The following TRIM66 variants were observed in gnomAD, a reference collection of about 807,000 sequenced individuals.
The protein encoded by TRIM66 is tripartite motif-containing protein 66.
In TRIM66, 99 loss-of-function variants were observed where a neutral mutation model predicts 148.2. The observed-to-expected ratio is 0.67, with a 90% CI of 0.57 to 0.79. The LOEUF (loss-of-function observed/expected upper bound fraction) is 0.79. Among genes scored for constraint, TRIM66 ranks in the 30% least tolerant of loss-of-function variants. The pLI, the probability that TRIM66 is intolerant of heterozygous loss-of-function variation, is 0.00. For synonymous variants in TRIM66, 616 were observed against 635.9 expected, an observed-to-expected ratio of 0.97 and a Z score of 0.47; for missense variants, 1,666 against 1,697.9, an observed-to-expected ratio of 0.98 and a Z score of 0.33.
intron 15 of TRIM66, among the ~76,000 whole-genome samples, chr11:8,635,850 A>G (rs1465271468): frequency 1.3e-5 from 2 of 152,182 alleles, no homozygotes; most frequent in African/African-American, 4.8e-5. Flanking sequence ...CCATGCATGT[A>G]TGTCGCTCAG....
rs779914082 is a variant in TRIM66 at position 8,643,108 on chromosome 11, G to A, written c.1123C>T (p.Arg375Ter). 7.7e-6 allele frequency: 12 copies of A among 1,550,406 alleles called. No individual in the cohort carries two copies. Among genetic ancestry groups the A allele is most frequent in the Middle Eastern group, 1.7e-4 (1 of 5,984 alleles). Reference sequence around the variant, plus strand: ...GTGTTACAACTTGTCTCCAGCAATCGCTGCATCTGAAACACAATCTGACAA... The same window carrying A: ...GTGTTACAACTTGTCTCCAGCAATCACTGCATCTGAAACACAATCTGACAA... ...SKELIVFQMQ[R>*]LLETSCNTDP... is the part of the protein sequence containing the mutation. The change falls in exon 13 of 25, where the codon CGA becomes TGA. Residue 375 changes from arginine to a stop codon, truncating the protein, a stop_gained. Transcript: ENST00000646038. LOFTEE classifies it high-confidence loss of function.
chr11:8,629,762 C>A (rs2035217935), intron 15 of TRIM66, among the ~76,000 whole-genome samples: 1 of 152,222 alleles, frequency 6.6e-6, no homozygotes, highest in Non-Finnish European at 1.5e-5. Flanking sequence ...CAAGATATTG[C>A]ATACTTGACT....
At position 8,638,648 on chromosome 11, in the gene TRIM66, C is replaced by CCCTA; in HGVS notation, c.2310+5_2310+6insTAGG. 1 of 1,547,078 alleles carries CCCTA rather than the reference C, an allele frequency of 6.5e-7. No homozygotes were observed. The highest frequency in any genetic ancestry group is 2.0e-5 in the Admixed American group (1 of 49,564). Reference sequence around the variant, plus strand: ...TGTAGTTAGGGAAAACAGGCTCCTTCAGTACCTTTCTCACCACATTTGGAG... The same window carrying CCCTA: ...TGTAGTTAGGGAAAACAGGCTCCTTCCCTAAGTACCTTTCTCACCACATTTGGAG... On this transcript the variant is annotated splice_donor_region_variant and intron_variant, in intron 15 of 24. Transcript: ENST00000646038.
Position 8,640,701 on chromosome 11 carries a change from A to G in TRIM66, c.1674T>C (p.Ile558=), listed in dbSNP as rs967980656. 9 of 1,551,454 alleles carry G rather than the reference A, an allele frequency of 5.8e-6. No individual in the cohort carries two copies. The African/African-American group carries it at 1.2e-4, about 21-fold the overall frequency. Residue 558 remains isoleucine (I), a synonymous_variant, in exon 14 of 25, where the codon ATT becomes ATC. Coordinates refer to ENST00000646038, the MANE Select transcript of TRIM66 (RefSeq NM_001388022.1). ...GQQLTSQPVC[I]VPPQDVQQGA... The stretch of plus-strand genomic sequence containing the variant: ...CTTGCTGAACATCCTGTGGGGGGAC[A>G]ATGCACACGGGCTGGGAAGTCAGCT...
At chr11:8,673,062 C>T (rs2039016961) in intron 4 of TRIM66, among the ~76,000 whole-genome samples, 1 of 151,810 alleles carries the variant, frequency 6.6e-6, no homozygotes, top group Non-Finnish European at 1.5e-5. Flanking sequence ...GCCTCAGCCT[C>T]CCGAGTAGCT....
intron 15 of TRIM66, among the ~76,000 whole-genome samples, chr11:8,625,678 G>A (rs936771804): frequency 6.6e-6 from 1 of 152,152 alleles, no homozygotes; most frequent in African/African-American, 2.4e-5. Flanking sequence ...ACCACCAGTG[G>A]CTTCTCTTCC....
intron 15 of TRIM66, among the ~76,000 whole-genome samples, chr11:8,631,581 A>G (rs917774919): frequency 6.6e-6 from 1 of 152,184 alleles, no homozygotes; most frequent in African/African-American, 2.4e-5. Flanking sequence ...AACTTCTAAG[A>G]ATGCAGGGCT....
In TRIM66 at chr11:8,679,940, T is replaced by A. The variant is rs2039336692; in HGVS notation, c.-424A>T. 6.6e-6 allele frequency: 1 copy of A among 152,288 alleles called. No homozygotes were observed. The highest frequency in any genetic ancestry group is 1.5e-5 in the Non-Finnish European group (1 of 68,096). The allele number at this position is 152,288 out of a possible 1,614,324, so 9.4% of individuals were successfully genotyped here. A position where few individuals can be genotyped will look rare whatever the true frequency, so the allele number is the denominator to read the frequency against. On this transcript the variant is annotated 5_prime_UTR_variant, in exon 2 of 25. Coordinates refer to ENST00000646038, the MANE Select transcript of TRIM66 (RefSeq NM_001388022.1). ...AGCGTCTGACAAGTCACCCAATTCT[T>A]CTGTGCTTCAGTTTTCACACACGTA... is the stretch of plus-strand genomic sequence containing the variant.
chr11:8,634,488 T>C (rs77131596), intron 15 of TRIM66, among the ~76,000 whole-genome samples: 7,762 of 152,158 alleles, frequency 0.051, 269 homozygotes, highest in Non-Finnish European at 0.069. Context: ...GAGGAAAGGA[T>C]TGTGTGTATT....
At chr11:8,630,588 T>C (rs1397700108) in intron 15 of TRIM66, among the ~76,000 whole-genome samples, 1 of 152,234 alleles carries the variant, frequency 6.6e-6, no homozygotes, top group East Asian at 1.9e-4. Context: ...TCAGGTCATC[T>C]TTGGGAGATG....
At chr11:8,619,349 G>A (rs12362755) in intron 23 of TRIM66, 34 bp downstream of exon 23, 31,678 of 1,470,844 alleles carry the variant, frequency 0.022, 386 homozygotes, top group East Asian at 0.049. Context: ...GGGATGCAGG[G>A]AAATAGGAGA....
chr11:8,677,128 T>C (rs180874692), intron 3 of TRIM66, among the ~76,000 whole-genome samples: 4 of 152,252 alleles, frequency 2.6e-5, no homozygotes, highest in Admixed American at 1.3e-4. Flanking sequence ...ATTTCAAAGA[T>C]TGTTTGCATG....
At chr11:8,622,520 C>G (rs1237194676) in intron 18 of TRIM66, among the ~76,000 whole-genome samples, 1 of 151,414 alleles carries the variant, frequency 6.6e-6, no homozygotes, top group African/African-American at 2.4e-5. Flanking sequence ...TGGCCCACCT[C>G]TGCATGGCCA....
At chr11:8,657,347 G>A (rs745613152) in intron 6 of TRIM66, among the ~76,000 whole-genome samples, 41 of 152,244 alleles carry the variant, frequency 2.7e-4, no homozygotes, top group Admixed American at 2.2e-3. Flanking sequence ...CAGAGCAATA[G>A]CATCCACTGG....
chr11:8,625,507 GAGA>G (rs1260739241), intron 15 of TRIM66, among the ~76,000 whole-genome samples: 4 of 150,984 alleles, frequency 2.6e-5, no homozygotes, highest in African/African-American at 7.3e-5. Flanking sequence ...CAGCAAGAGT[GAGA>G]AGGAGAACTT....
At chr11:8,657,650 C>T (rs1438708508) in intron 6 of TRIM66, among the ~76,000 whole-genome samples, 3 of 152,086 alleles carry the variant, frequency 2.0e-5, no homozygotes, top group Non-Finnish European at 4.4e-5. Context: ...GCAGGCTGGA[C>T]ATCCTCACCA....
In TRIM66 at chr11:8,679,719, T is replaced by A. The variant is rs1012683847; in HGVS notation, c.-289A>T. On this transcript the variant is annotated 5_prime_UTR_variant, in exon 3 of 25. Coordinates refer to ENST00000646038, the MANE Select transcript of TRIM66 (RefSeq NM_001388022.1). Reference sequence around the variant, plus strand: ...TTTTGATGTCAAATAGACGACGATGTCTTCTTTGATCTCCCCTCCTATTCT... The same window carrying A: ...TTTTGATGTCAAATAGACGACGATGACTTCTTTGATCTCCCCTCCTATTCT... 1 of 152,692 alleles carries A rather than the reference T, an allele frequency of 6.5e-6. No homozygotes were observed. Among genetic ancestry groups the A allele is most frequent in the Non-Finnish European group, 1.5e-5 (1 of 68,078 alleles). The allele number at this position is 152,692 out of a possible 1,614,324, so 9.5% of individuals were successfully genotyped here.
intron 6 of TRIM66, among the ~76,000 whole-genome samples, chr11:8,653,437 T>A (rs145859471): frequency 6.6e-6 from 1 of 152,310 alleles, no homozygotes; most frequent in East Asian, 1.9e-4. Flanking sequence ...TAACCTGGCA[T>A]TGAGACTGCT....
intron 19 of TRIM66, 107 bp downstream of exon 19, chr11:8,621,538 C>A: frequency 7.2e-7 from 1 of 1,391,386 alleles, no homozygotes; most frequent in Non-Finnish European, 9.5e-7. Context: ...GCTGCAGCCC[C>A]ATCAGAGACT....
Sources: gnomAD v4.1 joint callset for allele counts (sites outside exome capture counted in the v4.1 genomes callset) on GRCh38, gnomAD v4.1.1 for gene constraint, MANE v1.5 for transcripts, NCBI Gene and HGNC (gene_info 2026-07-23, HGNC 2026-07-21) for gene names.